Variants in FBLN2 observed in about 807,000 individuals in gnomAD.
FBLN2 encodes fibulin 2.
A neutral mutation model predicts 123.7 loss-of-function variants in FBLN2; 81 were observed. That is an observed-to-expected ratio of 0.65 (90% CI 0.55 to 0.79). FBLN2 has a LOEUF of 0.79. Among genes scored for constraint, FBLN2 ranks in the 30% least tolerant of loss-of-function variants. FBLN2 has a pLI of 0.00. For synonymous variants in FBLN2, 699 were observed against 701.4 expected (o/e 1.00, Z 0.05); for missense variants, 1,603 against 1,681.3 (o/e 0.95, Z 0.81).
chr3:13,572,324 C>T (rs368965073), intron 2 of FBLN2, among the ~76,000 whole-genome samples: 24 of 152,230 alleles, frequency 1.6e-4, no homozygotes, highest in African/African-American at 4.6e-4. Flanking sequence ...GGCCCCTCTC[C>T]GAGCTGGTCA....
chr3:13,631,543 G>A (rs2290191), intron 16 of FBLN2, 86 bp downstream of exon 16: 300,703 of 1,453,438 alleles, frequency 0.21, 32,825 homozygotes, highest in East Asian at 0.34. Flanking sequence ...CACAGCTTGC[G>A]TGCACTTGGA....
chr3:13,601,138 G>A (rs533130947), intron 2 of FBLN2, among the ~76,000 whole-genome samples: 1 of 152,234 alleles, frequency 6.6e-6, no homozygotes, highest in Admixed American at 6.5e-5. Flanking sequence ...CTGGGACCCT[G>A]CCTGGCTGGT....
chr3:13,615,482 G>A (rs1163735133), intron 5 of FBLN2, among the ~76,000 whole-genome samples: 3 of 152,234 alleles, frequency 2.0e-5, no homozygotes, highest in South Asian at 2.1e-4. Flanking sequence ...GGCCTCTGGA[G>A]TCAGGCAGAC....
chr3:13,608,409 G>A (rs1302786262), intron 3 of FBLN2, among the ~76,000 whole-genome samples: 1 of 152,256 alleles, frequency 6.6e-6, no homozygotes, highest in Non-Finnish European at 1.5e-5. Flanking sequence ...AGCTGGCCTA[G>A]TGAGCAAGAT....
At chr3:13,622,025 C>G in intron 9 of FBLN2, 110 bp downstream of exon 9, 1 of 1,278,822 alleles carries the variant, frequency 7.8e-7, no homozygotes, top group Non-Finnish European at 1.1e-6. Context: ...TGCATGTGAG[C>G]TCTCAGCACA....
At chr3:13,590,411 C>T (rs748445493) in intron 2 of FBLN2, among the ~76,000 whole-genome samples, 9 of 152,128 alleles carry the variant, frequency 5.9e-5, no homozygotes, top group East Asian at 5.8e-4. Context: ...CTGCAACCTC[C>T]GCTTCCCAGG....
intron 7 of FBLN2, 67 bp downstream of exon 7, chr3:13,619,084 C>T (rs1705748836): frequency 1.6e-6 from 2 of 1,236,344 alleles, no homozygotes; most frequent in Admixed American, 4.2e-5. Context: ...GGGCTGCTTG[C>T]AGGTGGTGAG....
intron 2 of FBLN2, among the ~76,000 whole-genome samples, chr3:13,596,149 T>C (rs1704834410): frequency 6.6e-6 from 1 of 152,202 alleles, no homozygotes; most frequent in African/African-American, 2.4e-5. Context: ...TCAGTTTTGC[T>C]TTGTTTTGAG....
At chr3:13,630,532 A>G (rs1017934637) in intron 14 of FBLN2, among the ~76,000 whole-genome samples, 167 bp from the exon 15 acceptor site, 2 of 152,178 alleles carry the variant, frequency 1.3e-5, no homozygotes, top group African/African-American at 4.8e-5. Context: ...CTGGGAGGCC[A>G]TGGATCCCTT....
chr3:13,610,032 G>A (rs1705338311), intron 4 of FBLN2, among the ~76,000 whole-genome samples: 1 of 152,166 alleles, frequency 6.6e-6, no homozygotes, highest in Non-Finnish European at 1.5e-5. Flanking sequence ...AGGAGAGGTG[G>A]GATAAGTAGT....
At chr3:13,552,138 GT>G (rs1703340627) in intron 1 of FBLN2, among the ~76,000 whole-genome samples, 1 of 152,100 alleles carries the variant, frequency 6.6e-6, no homozygotes. Flanking sequence ...GTGGATTCTG[GT>G]TTGGGGAGGG....
intron 7 of FBLN2, among the ~76,000 whole-genome samples, 184 bp from the exon 8 acceptor site, chr3:13,619,546 C>CTCCCG (rs1293686618): frequency 1.5e-4 from 23 of 152,236 alleles, no homozygotes; most frequent in Non-Finnish European, 2.9e-5. Flanking sequence ...GGTGTTGGAG[C>CTCCCG]AGACTTAATG....
chr3:13,604,609 C>T (rs1392550961), intron 2 of FBLN2, among the ~76,000 whole-genome samples: 1 of 152,196 alleles, frequency 6.6e-6, no homozygotes, highest in Non-Finnish European at 1.5e-5. Flanking sequence ...GCTAGTATCT[C>T]CAGGACAATG....
chr3:13,579,097 A>C (rs1704238822), intron 2 of FBLN2, among the ~76,000 whole-genome samples: 1 of 152,186 alleles, frequency 6.6e-6, no homozygotes, highest in African/African-American at 2.4e-5. Flanking sequence ...GAGCGACTGC[A>C]CCATTTTACA....
chr3:13,593,448 G>A (rs1231054372), intron 2 of FBLN2, among the ~76,000 whole-genome samples: 1 of 152,150 alleles, frequency 6.6e-6, no homozygotes, highest in Non-Finnish European at 1.5e-5. Flanking sequence ...GGGCGCAGTG[G>A]CTCATACCTG....
intron 1 of FBLN2, among the ~76,000 whole-genome samples, chr3:13,567,800 TA>T (rs35691211): frequency 8.6e-5 from 13 of 151,664 alleles, no homozygotes; most frequent in African/African-American, 2.4e-4. Flanking sequence ...AGACCCTTGT[TA>T]AAAAAAATTA....
At chr3:13,635,732 G>A (rs1403952121) in intron 16 of FBLN2, among the ~76,000 whole-genome samples, 1 of 152,194 alleles carries the variant, frequency 6.6e-6, no homozygotes, top group Non-Finnish European at 1.5e-5. Flanking sequence ...AGTATTGAGC[G>A]CTGCTCCATG....
intron 2 of FBLN2, among the ~76,000 whole-genome samples, chr3:13,579,170 C>T (rs1049262005): frequency 1.3e-5 from 2 of 152,220 alleles, no homozygotes; most frequent in Non-Finnish European, 2.9e-5. Flanking sequence ...TTATAGCCAT[C>T]CTAGTGTGTA....
At chr3:13,606,288 T>C (rs1705200858) in intron 2 of FBLN2, among the ~76,000 whole-genome samples, 1 of 152,292 alleles carries the variant, frequency 6.6e-6, no homozygotes, top group Admixed American at 6.5e-5. Flanking sequence ...TTGTCAGTTT[T>C]GGACATTCCA....
Sources: gnomAD v4.1 joint callset for allele counts (sites outside exome capture counted in the v4.1 genomes callset) on GRCh38, gnomAD v4.1.1 for gene constraint, MANE v1.5 for transcripts, NCBI Gene and HGNC (gene_info 2026-07-23, HGNC 2026-07-21) for gene names.